The following FBN1 variants were observed in gnomAD, a reference collection of about 807,000 sequenced individuals.
The protein encoded by FBN1 is fibrillin-1.
In FBN1, 29 loss-of-function variants were observed where a neutral mutation model predicts 365.1. That is an observed-to-expected ratio of 0.08 (90% CI 0.06 to 0.11). The LOEUF (loss-of-function observed/expected upper bound fraction) is 0.11, where lower values mean the gene tolerates loss of function less well. Ranked by LOEUF, FBN1 falls within the 10% of genes least tolerant of loss-of-function variation. FBN1 has a pLI of 1.00. For synonymous variants in FBN1, 1,210 were observed against 1,270.5 expected (o/e 0.95, Z 1.01); for missense variants, 2,476 against 3,703.2 (o/e 0.67, Z 8.60).
chr15:48,411,031 C>G lies in FBN1; in HGVS notation c.8575G>C (p.Gly2859Arg). 3 of 1,613,762 alleles carry G rather than the reference C, an allele frequency of 1.9e-6. No individual in the cohort carries two copies. The highest frequency in any genetic ancestry group is 2.5e-6 in the Non-Finnish European group (3 of 1,179,928). The change falls in exon 66 of 66, where the codon GGT (glycine) becomes CGT (arginine). Residue 2859 changes from glycine to arginine, a missense_variant. Transcript: ENST00000316623. The part of the protein sequence containing the change: ...YDKDYLSGEL[G>R]DNLKMKIQVL... Reference sequence around the variant, plus strand: ...TGGATTTTCATCTTCAGATTATCACCCAGTTCACCACTGAGGTAGTCTTTG... The same window carrying G: ...TGGATTTTCATCTTCAGATTATCACGCAGTTCACCACTGAGGTAGTCTTTG...
intron 38 of FBN1, 79 bp downstream of exon 38, chr15:48,467,859 A>G (rs981903613): frequency 7.9e-7 from 1 of 1,270,704 alleles, no homozygotes; most frequent in African/African-American, 1.5e-5. Context: ...ATCTAAGAGT[A>G]GAAAAGGTTT....
intron 15 of FBN1, among the ~76,000 whole-genome samples, chr15:48,505,497 C>A (rs1279398868): frequency 6.6e-6 from 1 of 152,148 alleles, no homozygotes; most frequent in Non-Finnish European, 1.5e-5. Context: ...GTAGCTCTTC[C>A]AGGGCTCTCA....
chr15:48,451,676 A>G (rs1242119099), intron 45 of FBN1, among the ~76,000 whole-genome samples: 1 of 152,198 alleles, frequency 6.6e-6, no homozygotes, highest in Non-Finnish European at 1.5e-5. Context: ...ATGAACCGTG[A>G]GCAAAATAAC....
chr15:48,562,425 G>A (rs1468785836), intron 6 of FBN1, among the ~76,000 whole-genome samples: 2 of 152,132 alleles, frequency 1.3e-5, no homozygotes, highest in African/African-American at 2.4e-5. Flanking sequence ...GCCATGTTGT[G>A]TATTACAAAT....
intron 53 of FBN1, among the ~76,000 whole-genome samples, 184 bp downstream of exon 53, chr15:48,436,777 A>G (rs190318706): frequency 6.6e-6 from 1 of 152,296 alleles, no homozygotes; most frequent in East Asian, 1.9e-4. Context: ...GCAGCTCCAG[A>G]GCCTAGCACA....
At position 48,463,966 on chromosome 15, in the gene FBN1, G is replaced by C. The variant is rs141925790; in HGVS notation, c.4998C>G (p.Thr1666=). The C allele has an allele frequency of 8.8e-5, 142 of 1,613,442 alleles. No homozygotes were observed. Among genetic ancestry groups the C allele is most frequent in the Non-Finnish European group, 1.1e-4 (133 of 1,179,522 alleles). Residue 1666 remains threonine (T), a synonymous_variant, in exon 41 of 66, where the codon ACC becomes ACG. Transcript: ENST00000316623. ...GICGPGTCYN[T]VGNYTCICPP... ...GACAGATACAGGTGTAGTTGCCAAC[G>C]GTGTTGTAACATGTCCCTGGACCAC...
intron 17 of FBN1, among the ~76,000 whole-genome samples, chr15:48,501,775 T>C (rs775064802): frequency 1.3e-5 from 2 of 152,150 alleles, no homozygotes; most frequent in East Asian, 1.9e-4. Flanking sequence ...CTTGTCTGTA[T>C]TGCAAATTCA....
At chr15:48,475,715 C>A (rs2043413362) in intron 32 of FBN1, among the ~76,000 whole-genome samples, 2 of 152,130 alleles carry the variant, frequency 1.3e-5, no homozygotes, top group Non-Finnish European at 2.9e-5. Flanking sequence ...TTCATGTTTG[C>A]CTTTTTGTTT....
intron 18 of FBN1, 105 bp downstream of exon 18, chr15:48,498,880 G>C (rs914159061): frequency 9.3e-7 from 1 of 1,069,626 alleles, no homozygotes; most frequent in African/African-American, 1.5e-5. Context: ...GCCAGAGAGG[G>C]AGTCAGGCCA....
intron 6 of FBN1, among the ~76,000 whole-genome samples, chr15:48,548,692 C>T (rs1036401902): frequency 2.6e-5 from 4 of 152,064 alleles, no homozygotes; most frequent in East Asian, 1.9e-4. Flanking sequence ...TAGATACGTT[C>T]GGAAAGTGTA....
chr15:48,521,940 C>T (rs924859646), intron 9 of FBN1, among the ~76,000 whole-genome samples: 1 of 152,158 alleles, frequency 6.6e-6, no homozygotes. Flanking sequence ...AGGGGGTGAG[C>T]GGCAGGTGAA....
At position 48,597,268 on chromosome 15, in the gene FBN1, G is replaced by A. The variant is rs984206552; in HGVS notation, c.443-890C>T. On this transcript the variant is annotated intron_variant, in intron 5 of 65. Transcript: ENST00000316623. ...TTTCCCTCAAGAGAATCTCCTGCAA[G>A]TTTAGCTGGCAGACCACTTCCAGCT... Among the ~76,000 whole-genome samples the A allele has an allele frequency of 3.3e-4, 50 of 152,214 alleles. 3 individuals are homozygous for A. The highest frequency in any genetic ancestry group is 1.9e-4 in the East Asian group (1 of 5,200).
intron 6 of FBN1, among the ~76,000 whole-genome samples, chr15:48,586,169 G>T (rs2044433799): frequency 6.6e-6 from 1 of 152,152 alleles, no homozygotes; most frequent in African/African-American, 2.4e-5. Flanking sequence ...AGAAAAACAA[G>T]AATTCATTGG....
chr15:48,506,808 A>G (rs2043711767), intron 15 of FBN1, among the ~76,000 whole-genome samples: 1 of 152,214 alleles, frequency 6.6e-6, no homozygotes, highest in South Asian at 2.1e-4. Flanking sequence ...GAAATCCAGT[A>G]TACATGGGAT....
chr15:48,563,487 A>G (rs1269254852), intron 6 of FBN1, among the ~76,000 whole-genome samples: 2 of 152,206 alleles, frequency 1.3e-5, no homozygotes, highest in Non-Finnish European at 2.9e-5. Context: ...TTGAGAAGCC[A>G]TATTTCACCA....
intron 6 of FBN1, among the ~76,000 whole-genome samples, chr15:48,572,523 T>TAA (rs543563373): frequency 1.4e-5 from 2 of 143,424 alleles, no homozygotes; most frequent in Admixed American, 1.4e-4. Flanking sequence ...ATTAGTTTGT[T>TAA]AAAAAAAAAA....
At chr15:48,599,303 G>C (rs2044541746) in intron 5 of FBN1, among the ~76,000 whole-genome samples, 1 of 152,066 alleles carries the variant, frequency 6.6e-6, no homozygotes. Flanking sequence ...AGGTAATAGA[G>C]TACTAGGCAA....
rs77903657 is a variant in FBN1, at chr15:48,457,420, A to G, written c.5297-658T>C. Among the ~76,000 whole-genome samples, 15 of 152,298 alleles carry G rather than the reference A, an allele frequency of 9.8e-5. No individual in the cohort carries two copies. The East Asian group carries it at 2.3e-3, about 24-fold the overall frequency. ...CTACATGACAGGTAGTAAGTGCTCA[A>G]TTCAAATTTGTTCAGTTAAGAGCAA... On this transcript the variant is annotated intron_variant, in intron 43 of 65. Transcript: ENST00000316623.
At chr15:48,457,382 G>C (rs1279316383) in intron 43 of FBN1, among the ~76,000 whole-genome samples, 2 of 152,174 alleles carry the variant, frequency 1.3e-5, no homozygotes, top group East Asian at 3.9e-4. Context: ...CTGTGTTATG[G>C]TTCCTTAGCA....
Sources: gnomAD v4.1 joint callset for allele counts (sites outside exome capture counted in the v4.1 genomes callset) on GRCh38, gnomAD v4.1.1 for gene constraint, MANE v1.5 for transcripts, NCBI Gene and HGNC (gene_info 2026-07-23, HGNC 2026-07-21) for gene names.